Variants in APBA2 observed in about 807,000 individuals in gnomAD.
APBA2 encodes amyloid-beta A4 precursor protein-binding family A member 2.
APBA2 carries 30 observed loss-of-function variants against 75.0 expected under a neutral mutation model. That is an observed-to-expected ratio of 0.40 (90% confidence interval 0.30 to 0.54). The LOEUF (loss-of-function observed/expected upper bound fraction) is 0.54. Ranked by LOEUF, APBA2 falls within the 20% of genes least tolerant of loss-of-function variation. The probability of loss-of-function intolerance (pLI) is 0.49; values close to 1 mark genes in which losing one functional copy is unlikely to be tolerated. For missense variants in APBA2, 801 were observed against 1,016.1 expected (o/e 0.79, Z 2.88); for synonymous variants, 444 against 409.6 (o/e 1.08, Z -1.01).
Position 28,886,010 on chromosome 15 carries a change from G to A in APBA2, c.-473G>A, listed in dbSNP as rs1393449976. On this transcript the variant is annotated 5_prime_UTR_variant, in exon 1 of 15. Transcript: ENST00000683413. ...CGCGGGTGAGGCGGAAGCGGCCGGG[G>A]CGGGGGCGCAGGCCCGGCAGCCGCA... is the stretch of plus-strand genomic sequence containing the variant. The A allele has an allele frequency of 6.7e-6, 1 of 150,054 alleles. No individual in the cohort carries two copies. Among genetic ancestry groups the A allele is most frequent in the Non-Finnish European group, 1.5e-5 (1 of 67,346 alleles). 9.3% of individuals were successfully genotyped at this position (150,054 alleles called of 1,614,324 possible). A position where few individuals can be genotyped will look rare whatever the true frequency, so the allele number is the denominator to read the frequency against.
intron 3 of APBA2, among the ~76,000 whole-genome samples, chr15:29,013,847 G>A (rs1001650009): frequency 1.6e-4 from 25 of 152,150 alleles, no homozygotes; most frequent in African/African-American, 4.6e-4. Context: ...GGTTAATAAT[G>A]GACTTGTGTA....
At chr15:29,000,126 C>T (rs925826863) in intron 3 of APBA2, among the ~76,000 whole-genome samples, 3 of 152,220 alleles carry the variant, frequency 2.0e-5, no homozygotes, top group African/African-American at 7.2e-5. Context: ...CTTCCAGAAA[C>T]ACCTCACAGA....
chr15:29,009,181 G>A (rs375890015), intron 3 of APBA2, among the ~76,000 whole-genome samples: 4 of 152,266 alleles, frequency 2.6e-5, no homozygotes, highest in South Asian at 4.1e-4. Context: ...CAGAATCTGA[G>A]GAAAGACTCT....
intron 2 of APBA2, among the ~76,000 whole-genome samples, chr15:28,953,496 C>G (rs1428495250): frequency 6.6e-6 from 1 of 152,030 alleles, no homozygotes; most frequent in African/African-American, 2.4e-5. Flanking sequence ...GTGGCTTTCT[C>G]CATTTCCTCC....
At chr15:29,049,100 AGGGTATT>A (rs2041478647) in intron 3 of APBA2, among the ~76,000 whole-genome samples, 2 of 152,148 alleles carry the variant, frequency 1.3e-5, no homozygotes, top group Admixed American at 6.5e-5. Context: ...TATTTAGTAA[AGGGTATT>A]GGGTTACCTG....
chr15:28,920,864 A>T (rs2033937006), intron 1 of APBA2, among the ~76,000 whole-genome samples: 1 of 152,186 alleles, frequency 6.6e-6, no homozygotes, highest in South Asian at 2.1e-4. Context: ...CAGGCAGGTT[A>T]CATAGTCTTC....
chr15:28,952,083 A>G (rs1187409775), intron 2 of APBA2, among the ~76,000 whole-genome samples: 1 of 151,204 alleles, frequency 6.6e-6, no homozygotes, highest in Non-Finnish European at 1.5e-5. Flanking sequence ...TTTTTTTTGA[A>G]TGCACGACCC....
intron 1 of APBA2, among the ~76,000 whole-genome samples, chr15:28,902,892 G>T (rs966011547): frequency 2.6e-5 from 4 of 152,094 alleles, no homozygotes; most frequent in African/African-American, 9.7e-5. Flanking sequence ...AAACTGGGGG[G>T]TAAGCTCATG....
chr15:29,045,103 C>CTCTCTCTCTCT (rs57446098), intron 3 of APBA2, among the ~76,000 whole-genome samples: 2 of 140,284 alleles, frequency 1.4e-5, no homozygotes, highest in African/African-American at 5.5e-5. Flanking sequence ...CTCTCTCTCT[C>CTCTCTCTCTCT]GTCTCGCACT....
intron 1 of APBA2, among the ~76,000 whole-genome samples, chr15:28,906,456 T>A (rs771762481): frequency 3.9e-5 from 6 of 152,246 alleles, no homozygotes; most frequent in Non-Finnish European, 7.3e-5. Context: ...TGGAGTCTCG[T>A]ACATTAAACT....
chr15:28,962,042 A>G (rs531555243), intron 2 of APBA2, among the ~76,000 whole-genome samples: 1 of 152,244 alleles, frequency 6.6e-6, no homozygotes, highest in South Asian at 2.1e-4. Flanking sequence ...TTTGTTTCCC[A>G]TGACCTTCCA....
At chr15:28,898,787 A>G (rs932663138) in intron 1 of APBA2, among the ~76,000 whole-genome samples, 29 of 152,340 alleles carry the variant, frequency 1.9e-4, no homozygotes, top group African/African-American at 6.0e-4. Flanking sequence ...TACTGCTAGA[A>G]CAATACTATC....
chr15:29,116,973 T>G (rs1567039658), intron 14 of APBA2, 89 bp from the exon 15 acceptor site: 22 of 1,387,688 alleles, frequency 1.6e-5, no homozygotes, highest in Middle Eastern at 3.5e-4. Context: ...AGCAGAACTC[T>G]GGGGGGTTTG....
chr15:29,117,340 A>AAT lies in APBA2; in HGVS notation c.*208_*209dup, dbSNP rs2045253041. On this transcript the variant is annotated 3_prime_UTR_variant, in exon 15 of 15. Transcript: ENST00000683413. ...TTTATCAAAGGAGAGTCACAGAACA[A>AAT]ATGTTTGTTTGTAAAGCGTTCCAAG... 3 of 602,388 alleles carry AAT rather than the reference A, an allele frequency of 5.0e-6. No individual in the cohort carries two copies. Among genetic ancestry groups the AAT allele is most frequent in the Non-Finnish European group, 8.9e-6 (3 of 338,334 alleles). 37.3% of individuals were successfully genotyped at this position (602,388 alleles called of 1,614,324 possible).
chr15:28,915,414 A>G (rs1310689206), intron 1 of APBA2, among the ~76,000 whole-genome samples: 1 of 149,802 alleles, frequency 6.7e-6, no homozygotes, highest in Non-Finnish European at 1.5e-5. Context: ...TTCACCCTAT[A>G]CACACCACAC....
At chr15:29,103,128 C>T (rs1348651760) in intron 10 of APBA2, among the ~76,000 whole-genome samples, 2 of 152,220 alleles carry the variant, frequency 1.3e-5, no homozygotes, top group Non-Finnish European at 2.9e-5. Context: ...GGGGATGGGC[C>T]ACAGGTACTG....
chr15:28,957,187 C>T (rs1258600399), intron 2 of APBA2, among the ~76,000 whole-genome samples: 1 of 152,164 alleles, frequency 6.6e-6, no homozygotes, highest in East Asian at 1.9e-4. Flanking sequence ...ATTCTCCTGC[C>T]TCAGCCTCCC....
At chr15:28,985,898 C>T (rs2037898912) in intron 2 of APBA2, among the ~76,000 whole-genome samples, 1 of 152,160 alleles carries the variant, frequency 6.6e-6, no homozygotes, top group African/African-American at 2.4e-5. Flanking sequence ...ACAGTCCTTC[C>T]TGATGGCTTC....
At chr15:29,069,446 A>G (rs780716843) in intron 4 of APBA2, among the ~76,000 whole-genome samples, 12 of 152,244 alleles carry the variant, frequency 7.9e-5, no homozygotes, top group Non-Finnish European at 1.8e-4. Flanking sequence ...TGTTTTCCAC[A>G]GTGACAGAAC....
Sources: gnomAD v4.1 joint callset for allele counts (sites outside exome capture counted in the v4.1 genomes callset) on GRCh38, gnomAD v4.1.1 for gene constraint, MANE v1.5 for transcripts, NCBI Gene and HGNC (gene_info 2026-07-23, HGNC 2026-07-21) for gene names.